Variants in CNTNAP2 observed in about 807,000 individuals in gnomAD.
The protein encoded by CNTNAP2 is contactin associated protein 2.
Under a neutral mutation model 155.2 loss-of-function variants are expected in CNTNAP2, and 98 were observed. The ratio of observed to expected loss-of-function variants is 0.63; its 90% CI spans 0.54 to 0.75. The LOEUF is 0.75. Among genes scored for constraint, CNTNAP2 ranks in the 30% least tolerant of loss-of-function variants. The pLI, the probability that CNTNAP2 is intolerant of heterozygous loss-of-function variation, is 0.00. For synonymous variants in CNTNAP2, 651 were observed against 631.2 expected, an observed-to-expected ratio of 1.03 and a Z score of -0.47; for missense variants, 1,727 against 1,688.1, an observed-to-expected ratio of 1.02 and a Z score of -0.40.
At chr7:147,046,309 G>GT (rs61682983) in intron 4 of CNTNAP2, among the ~76,000 whole-genome samples, 3,751 of 152,212 alleles carry the variant, frequency 0.025, 151 homozygotes, top group African/African-American at 0.081. Flanking sequence ...CACCTGATTT[G>GT]TATCACCAAA....
At chr7:146,456,143 C>A (rs983304160) in intron 1 of CNTNAP2, among the ~76,000 whole-genome samples, 1 of 152,062 alleles carries the variant, frequency 6.6e-6, no homozygotes, top group Non-Finnish European at 1.5e-5. Context: ...AATGGGAATT[C>A]TTGGCTGGTG....
At chr7:147,803,432 G>T (rs851671) in intron 13 of CNTNAP2, among the ~76,000 whole-genome samples, 1 of 152,188 alleles carries the variant, frequency 6.6e-6, no homozygotes, top group Non-Finnish European at 1.5e-5. Flanking sequence ...TGGTGGCACC[G>T]CAGGGAAAAG....
At chr7:147,484,559 C>T (rs1247647562) in intron 10 of CNTNAP2, among the ~76,000 whole-genome samples, 1 of 152,192 alleles carries the variant, frequency 6.6e-6, no homozygotes, top group African/African-American at 2.4e-5. Flanking sequence ...TTCCGTAGTG[C>T]TGTGCATATA....
chr7:147,076,260 T>C (rs905486399), intron 4 of CNTNAP2, among the ~76,000 whole-genome samples: 1 of 152,136 alleles, frequency 6.6e-6, no homozygotes, highest in East Asian at 1.9e-4. Context: ...AGTGTAAAAG[T>C]GTTCCTATTT....
At chr7:148,390,530 G>A (rs1208400879) in intron 22 of CNTNAP2, among the ~76,000 whole-genome samples, 1 of 152,118 alleles carries the variant, frequency 6.6e-6, no homozygotes, top group African/African-American at 2.4e-5. Context: ...AGGGATCTTG[G>A]CAAACCAGGG....
At chr7:148,268,653 TTAATAA>T (rs3057302) in intron 21 of CNTNAP2, among the ~76,000 whole-genome samples, 6 of 149,234 alleles carry the variant, frequency 4.0e-5, no homozygotes, top group African/African-American at 7.4e-5. Context: ...AGACTCTGTC[TTAATAA>T]TAATAATAAT....
chr7:146,722,264 G>T (rs1275885010), intron 1 of CNTNAP2, among the ~76,000 whole-genome samples: 1 of 152,040 alleles, frequency 6.6e-6, no homozygotes, highest in Admixed American at 6.6e-5. Flanking sequence ...TTGCTGAAAA[G>T]AATGGTACCT....
intron 3 of CNTNAP2, among the ~76,000 whole-genome samples, chr7:146,973,526 T>G (rs1172768824): frequency 6.6e-6 from 1 of 152,220 alleles, no homozygotes; most frequent in Non-Finnish European, 1.5e-5. Flanking sequence ...TAGAGAAATA[T>G]TGACTTTTAA....
intron 3 of CNTNAP2, among the ~76,000 whole-genome samples, chr7:146,855,590 GTA>G (rs1794962697): frequency 6.6e-6 from 1 of 151,728 alleles, no homozygotes; most frequent in Non-Finnish European, 1.5e-5. Context: ...AGCGTTTATT[GTA>G]TGTTAACTTT....
At chr7:147,727,771 C>A in intron 13 of CNTNAP2, among the ~76,000 whole-genome samples, 1 of 145,488 alleles carries the variant, frequency 6.9e-6, no homozygotes. Flanking sequence ...TTCCTGCGCT[C>A]ACTGCACTGG....
chr7:146,277,635 T>C (rs1800184782), intron 1 of CNTNAP2, among the ~76,000 whole-genome samples: 1 of 152,166 alleles, frequency 6.6e-6, no homozygotes, highest in East Asian at 1.9e-4. Context: ...CAGGCATGTT[T>C]GGGGTTTATA....
chr7:146,631,259 G>T (rs937354228), intron 1 of CNTNAP2, among the ~76,000 whole-genome samples: 1 of 152,030 alleles, frequency 6.6e-6, no homozygotes, highest in Admixed American at 6.6e-5. Context: ...TGAATTTTTC[G>T]ACTGCATTTG....
At chr7:148,136,371 C>G (rs1363019389) in intron 16 of CNTNAP2, among the ~76,000 whole-genome samples, 1 of 151,930 alleles carries the variant, frequency 6.6e-6, no homozygotes, top group African/African-American at 2.4e-5. Context: ...CATATGAGAT[C>G]TGGTTGTTTT....
At chr7:146,930,872 A>G (rs1796736932) in intron 3 of CNTNAP2, among the ~76,000 whole-genome samples, 1 of 152,216 alleles carries the variant, frequency 6.6e-6, no homozygotes, top group Admixed American at 6.5e-5. Context: ...GATTAATTCA[A>G]CAAGAAGAGC....
chr7:146,502,057 G>A (rs1797308237), intron 1 of CNTNAP2, among the ~76,000 whole-genome samples: 2 of 151,726 alleles, frequency 1.3e-5, no homozygotes, highest in Admixed American at 6.6e-5. Flanking sequence ...ACTACATGAA[G>A]TGAATATTTT....
intron 12 of CNTNAP2, among the ~76,000 whole-genome samples, chr7:147,635,653 G>T (rs868086692): frequency 5.6e-4 from 86 of 152,280 alleles, no homozygotes; most frequent in African/African-American, 2.0e-3. Flanking sequence ...CAAATCAGTA[G>T]AGACTCTTCA....
intron 12 of CNTNAP2, among the ~76,000 whole-genome samples, chr7:147,612,093 A>G (rs1171634072): frequency 6.6e-6 from 1 of 152,226 alleles, no homozygotes; most frequent in African/African-American, 2.4e-5. Flanking sequence ...CTGCATCATA[A>G]TCTAACATTA....
At chr7:146,426,046 C>T (rs1724510) in intron 1 of CNTNAP2, among the ~76,000 whole-genome samples, 5,369 of 151,210 alleles carry the variant, frequency 0.036, 329 homozygotes, top group African/African-American at 0.12. Context: ...ATTAGCTGGC[C>T]GTGGCGGCGC....
intron 3 of CNTNAP2, among the ~76,000 whole-genome samples, chr7:146,858,959 G>A (rs749928404): frequency 2.6e-5 from 4 of 152,144 alleles, no homozygotes; most frequent in Non-Finnish European, 5.9e-5. Flanking sequence ...TTGGAGAAAT[G>A]ATAATGTAAG....
Sources: gnomAD v4.1 joint callset for allele counts (sites outside exome capture counted in the v4.1 genomes callset) on GRCh38, gnomAD v4.1.1 for gene constraint, MANE v1.5 for transcripts, NCBI Gene and HGNC (gene_info 2026-07-23, HGNC 2026-07-21) for gene names.